Variants in ARID3B observed in about 807,000 individuals in gnomAD.
ARID3B encodes the protein AT-rich interaction domain 3B, also known as AT-rich interactive domain-containing protein 3B.
ARID3B carries 10 observed loss-of-function variants against 51.9 expected under a neutral mutation model. The observed-to-expected ratio is 0.19, with a 90% CI of 0.12 to 0.33. The LOEUF is 0.33. Among genes scored for constraint, ARID3B ranks in the 10% least tolerant of loss-of-function variants. The pLI is 1.00. For synonymous variants in ARID3B, 205 were observed against 279.5 expected, an observed-to-expected ratio of 0.73 and a Z score of 2.66; for missense variants, 483 against 716.3, an observed-to-expected ratio of 0.67 and a Z score of 3.72.
chr15:74,552,004 C>G (rs1177280665), intron 2 of ARID3B, among the ~76,000 whole-genome samples: 1 of 150,986 alleles, frequency 6.6e-6, no homozygotes, highest in Non-Finnish European at 1.5e-5. Flanking sequence ...TTTCTATAGT[C>G]CTTCATTCTG....
Position 74,593,122 on chromosome 15 carries a change from T to C in ARID3B, c.1421-16T>C. ...GGAAGGCTTGACCAGGCCCACTGTC[T>C]CCCTGTCCCCAGCAGAAGACAGAGC... On this transcript the variant is annotated splice_polypyrimidine_tract_variant and intron_variant, in intron 7 of 8. Transcript: ENST00000346246. 3 of 1,610,634 alleles carry C rather than the reference T, an allele frequency of 1.9e-6. No individual in the cohort carries two copies. Among genetic ancestry groups the C allele is most frequent in the Non-Finnish European group, 2.5e-6 (3 of 1,178,874 alleles).
chr15:74,557,175 G>A (rs1178472921), intron 2 of ARID3B, among the ~76,000 whole-genome samples: 1 of 151,742 alleles, frequency 6.6e-6, no homozygotes, highest in Non-Finnish European at 1.5e-5. Context: ...AGCACTTTCG[G>A]AGGCCAACGC....
At chr15:74,552,056 C>CTTTTTT (rs869096001) in intron 2 of ARID3B, among the ~76,000 whole-genome samples, 47 of 102,602 alleles carry the variant, frequency 4.6e-4, no homozygotes, top group East Asian at 1.4e-3. Flanking sequence ...TCTTTCTTTC[C>CTTTTTT]TTTTTTTTTT....
chr15:74,546,213 T>A (rs543223653), intron 2 of ARID3B, among the ~76,000 whole-genome samples: 19 of 151,956 alleles, frequency 1.3e-4, no homozygotes, highest in African/African-American at 4.6e-4. Flanking sequence ...TCCCACTGAT[T>A]GCTTTGGTTT....
rs2061725058 is a variant in ARID3B at position 74,573,125 on chromosome 15, A to G, written c.625-7A>G. 4.3e-6 allele frequency: 7 copies of G among 1,613,698 alleles called. No individual in the cohort carries two copies. The East Asian group carries it at 1.6e-4, about 36-fold the overall frequency. ...TGTGTGTTTTTCTTGGGGGATTGGGATTGCAGCTGTATGAACTGGACGGTG... is the reference window on the plus strand; with the variant it reads ...TGTGTGTTTTTCTTGGGGGATTGGGGTTGCAGCTGTATGAACTGGACGGTG... On this transcript the variant is annotated splice_region_variant and splice_polypyrimidine_tract_variant and intron_variant, in intron 3 of 8. Transcript: ENST00000346246.
chr15:74,561,290 T>C (rs895682970), intron 2 of ARID3B, among the ~76,000 whole-genome samples: 5 of 152,192 alleles, frequency 3.3e-5, no homozygotes, highest in Admixed American at 1.3e-4. Flanking sequence ...CTAGAATGAA[T>C]GAGAAGGATG....
In ARID3B at chr15:74,591,294, C is replaced by T. The variant is rs751620803; in HGVS notation, c.1025C>T (p.Ala342Val). 17 of 1,613,472 alleles carry T rather than the reference C, an allele frequency of 1.1e-5. No individual in the cohort carries two copies. Among genetic ancestry groups the T allele is most frequent in the South Asian group, 6.6e-5 (6 of 91,072 alleles). ...SSSLFGYSPAAATAAAAAGAP... is the reference protein window; with the variant it reads ...SSSLFGYSPAVATAAAAAGAP... The stretch of plus-strand genomic sequence containing the variant: ...TCCCTCTTTGGCTACTCACCTGCTG[C>T]GGCTACTGCTGCTGCCGCTGCCGGG... Residue 342 changes from alanine to valine, a missense_variant, in exon 6 of 9, where the codon GCG becomes GTG. This residue lies in a region of ARID3B where 265 missense variants were observed against 354.4 expected (regional missense o/e 0.75). Coordinates refer to ENST00000346246, the MANE Select transcript of ARID3B (RefSeq NM_006465.4). This position sits in a 1 kb window ranked among gnomAD's most constrained non-coding sequence, Gnocchi z 5.8.
At chr15:74,542,313 T>C (rs1239405749) in intron 1 of ARID3B, among the ~76,000 whole-genome samples, 2 of 152,226 alleles carry the variant, frequency 1.3e-5, no homozygotes, top group Non-Finnish European at 2.9e-5. Context: ...TTTTTTACAC[T>C]GTAAGAAGAG....
At chr15:74,579,016 A>C (rs1413869468) in intron 4 of ARID3B, among the ~76,000 whole-genome samples, 1 of 152,264 alleles carries the variant, frequency 6.6e-6, no homozygotes, top group African/African-American at 2.4e-5. Context: ...GAGAGGGGCC[A>C]GCAGCTTTGA....
intron 2 of ARID3B, 73 bp downstream of exon 2, chr15:74,544,561 AG>A (rs2061608536): frequency 6.7e-7 from 1 of 1,503,448 alleles, no homozygotes; most frequent in Non-Finnish European, 9.0e-7. Flanking sequence ...TGACAGGGTC[AG>A]GGGCTGTGCC....
chr15:74,546,404 C>T lies in ARID3B; in HGVS notation c.552+1916C>T, dbSNP rs1021741823. Among the ~76,000 whole-genome samples, 3 of 152,198 alleles carry T rather than the reference C, an allele frequency of 2.0e-5. 1 individual carries two copies. The highest frequency in any genetic ancestry group is 6.5e-5 in the Admixed American group (1 of 15,286). On this transcript the variant is annotated intron_variant, in intron 2 of 8. Transcript: ENST00000346246. ...TGGCCAGCGTCTGCGTGTGTGCGGT[C>T]GTTCCTAGAAAGTGCAGCCGCATGC...
chr15:74,583,475 T>C (rs1262655666), intron 4 of ARID3B, among the ~76,000 whole-genome samples: 2 of 152,164 alleles, frequency 1.3e-5, no homozygotes, highest in African/African-American at 4.8e-5. Context: ...CCCAGCACTT[T>C]GGGAGGCTGA....
At chr15:74,578,342 T>A (rs1404095609) in intron 4 of ARID3B, among the ~76,000 whole-genome samples, 2 of 150,044 alleles carry the variant, frequency 1.3e-5, no homozygotes, top group African/African-American at 4.9e-5. Context: ...CCTGGCTAAT[T>A]TTTTGTATTT....
chr15:74,568,556 T>G (rs188242826), intron 2 of ARID3B, among the ~76,000 whole-genome samples: 4 of 152,334 alleles, frequency 2.6e-5, no homozygotes, highest in Non-Finnish European at 5.9e-5. Flanking sequence ...GTAAGGCTCC[T>G]GGTACAATCC....
rs574240339 is a variant in ARID3B at position 74,589,736 on chromosome 15, C to T, written c.698-84C>T. On this transcript the variant is annotated intron_variant, in intron 4 of 8. Coordinates refer to ENST00000346246, the MANE Select transcript of ARID3B (RefSeq NM_006465.4). ...AGGTTGATGAGCATTGTTTCCAGCTCGGCTAAAGGTGGGCATACACGGAAT... is the reference window on the plus strand; with the variant it reads ...AGGTTGATGAGCATTGTTTCCAGCTTGGCTAAAGGTGGGCATACACGGAAT... The T allele has an allele frequency of 9.1e-5, 125 of 1,368,360 alleles. No homozygotes were observed. In the Middle Eastern group the frequency reaches 1.3e-3, roughly 15 times the overall value. The allele number at this position is 1,368,360 out of a possible 1,614,324, so 84.8% of individuals were successfully genotyped here.
Position 74,552,110 on chromosome 15 carries a change from A to G in ARID3B, c.552+7622A>G, listed in dbSNP as rs566955885. On this transcript the variant is annotated intron_variant, in intron 2 of 8. Coordinates refer to ENST00000346246, the MANE Select transcript of ARID3B (RefSeq NM_006465.4). Reference sequence around the variant, plus strand: ...GGAGTCTCGCTCTGCCGCCCAGGCTAGAGTGCTGTGGCGTGATCTTGGCTC... The same window carrying G: ...GGAGTCTCGCTCTGCCGCCCAGGCTGGAGTGCTGTGGCGTGATCTTGGCTC... Among the ~76,000 whole-genome samples the G allele has an allele frequency of 5.1e-4, 61 of 119,630 alleles. 1 individual carries two copies. The Admixed American group carries it at 6.1e-3, about 12-fold the overall frequency. 78.5% of individuals were successfully genotyped at this position (119,630 alleles called of 152,430 possible). A position where few individuals can be genotyped will look rare whatever the true frequency, so the allele number is the denominator to read the frequency against.
At chr15:74,593,294 T>A in intron 8 of ARID3B, 58 bp downstream of exon 8, 2 of 1,503,244 alleles carry the variant, frequency 1.3e-6, no homozygotes, top group South Asian at 2.3e-5. Context: ...ACAGGGCAGC[T>A]CTGCGGCTGG....
chr15:74,565,588 T>C (rs2061695003), intron 2 of ARID3B, among the ~76,000 whole-genome samples: 1 of 152,196 alleles, frequency 6.6e-6, no homozygotes, highest in Non-Finnish European at 1.5e-5. Context: ...AATAAGATAT[T>C]CCAGGTGGTC....
intron 2 of ARID3B, among the ~76,000 whole-genome samples, chr15:74,550,887 T>C (rs1400072766): frequency 6.6e-6 from 1 of 152,006 alleles, no homozygotes; most frequent in Non-Finnish European, 1.5e-5. Flanking sequence ...AGAAGAAAAA[T>C]ATGAGTGTGA....
Sources: gnomAD v4.1 joint callset for allele counts (sites outside exome capture counted in the v4.1 genomes callset) on GRCh38, gnomAD v4.1.1 for gene constraint, gnomAD v4.1.1 regional missense constraint, Gnocchi (gnomAD v3.1) non-coding constraint, MANE v1.5 for transcripts, NCBI Gene and HGNC (gene_info 2026-07-23, HGNC 2026-07-21) for gene names.